The following RBFOX1 variants were observed in gnomAD, a reference collection of about 807,000 sequenced individuals.
The protein encoded by RBFOX1 is RNA binding fox-1 homolog 1, also known as RNA binding protein fox-1 homolog 1.
RBFOX1 carries 8 observed loss-of-function variants against 57.7 expected under a neutral mutation model. That is an observed-to-expected ratio of 0.14 (90% CI 0.08 to 0.25). The LOEUF (loss-of-function observed/expected upper bound fraction) is 0.25, where lower values mean the gene tolerates loss of function less well. Ranked by LOEUF, RBFOX1 falls within the 10% of genes least tolerant of loss-of-function variation. The pLI is 1.00. For missense variants in RBFOX1, 611 were observed against 548.5 expected (o/e 1.11, Z -1.14); for synonymous variants, 326 against 222.4 (o/e 1.47, Z -4.15).
intron 4 of RBFOX1, among the ~76,000 whole-genome samples, chr16:7,437,754 C>G (rs938640629): frequency 6.6e-6 from 1 of 152,100 alleles, no homozygotes; most frequent in Non-Finnish European, 1.5e-5. Context: ...TTTACTTATA[C>G]TGCTCGACGT....
chr16:6,945,204 T>C (rs1031616808), intron 3 of RBFOX1, among the ~76,000 whole-genome samples: 22 of 152,180 alleles, frequency 1.4e-4, no homozygotes, highest in Non-Finnish European at 2.6e-4. Flanking sequence ...GAAAGCAAAT[T>C]GGCAGCAAAG....
intron 3 of RBFOX1, among the ~76,000 whole-genome samples, chr16:6,899,110 T>C (rs2067782424): frequency 1.3e-5 from 2 of 151,846 alleles, no homozygotes; most frequent in South Asian, 4.1e-4. Flanking sequence ...CATCTGTGTA[T>C]ACGTGTTTAT....
At chr16:6,092,006 T>C (rs2096182167) in intron 1 of RBFOX1, among the ~76,000 whole-genome samples, 1 of 152,168 alleles carries the variant, frequency 6.6e-6, no homozygotes, top group African/African-American at 2.4e-5. Context: ...CCTCCATCTA[T>C]CTACCTACCT....
rs2095490518 is a variant in RBFOX1, at chr16:6,486,681, A to C, written c.-63-167922A>C. Among the ~76,000 whole-genome samples the C allele has an allele frequency of 2.7e-5, 4 of 150,570 alleles. No homozygotes were observed. In the South Asian group the frequency reaches 8.4e-4, roughly 32 times the overall value. ...ATTATTTTTTTTTTTGGCATTTTAG[A>C]CTTTACTTTGTTATGGATCCAAAAA... On this transcript the variant is annotated intron_variant, in intron 2 of 15. Coordinates refer to ENST00000550418, the MANE Select transcript of RBFOX1 (RefSeq NM_018723.4).
intron 3 of RBFOX1, among the ~76,000 whole-genome samples, chr16:6,769,401 C>G (rs376847669): frequency 2.6e-5 from 4 of 152,308 alleles, no homozygotes; most frequent in African/African-American, 9.6e-5. Context: ...TGAAAACAGA[C>G]TAAGAATACA....
intron 1 of RBFOX1, among the ~76,000 whole-genome samples, chr16:5,424,184 C>G (rs1229864548): frequency 6.6e-6 from 1 of 152,188 alleles, no homozygotes; most frequent in South Asian, 2.1e-4. Context: ...CTCTCGTTCT[C>G]TCTCGTTTGT....
rs546250873 is a variant in RBFOX1, at chr16:7,596,178, T to C, written c.561+537T>C. Among the ~76,000 whole-genome samples, 334 of 148,168 alleles carry C rather than the reference T, an allele frequency of 2.3e-3. 7 individuals are homozygous for C. The highest frequency in any genetic ancestry group is 7.7e-3 in the African/African-American group (313 of 40,564). ...GGTTTTTACTAAACCTCTCGTTTTT[T>C]TTTTTTTAAGAAGCCAGTTTGAATT... On this transcript the variant is annotated intron_variant, in intron 8 of 15. Transcript: ENST00000550418.
At chr16:6,580,656 A>C (rs1359385496) in intron 2 of RBFOX1, among the ~76,000 whole-genome samples, 1 of 152,192 alleles carries the variant, frequency 6.6e-6, no homozygotes, top group Non-Finnish European at 1.5e-5. Flanking sequence ...TGGGGTATAC[A>C]CAGTAAACTC....
At chr16:5,787,903 G>A (rs1319357409) in intron 3 of RBFOX1, among the ~76,000 whole-genome samples, 3 of 152,220 alleles carry the variant, frequency 2.0e-5, no homozygotes, top group Non-Finnish European at 4.4e-5. Context: ...ATGTTATGTG[G>A]CAGGTCATTC....
At chr16:7,409,288 C>T (rs1038678448) in intron 4 of RBFOX1, among the ~76,000 whole-genome samples, 8 of 152,220 alleles carry the variant, frequency 5.3e-5, no homozygotes, top group Admixed American at 3.3e-4. Flanking sequence ...CTGCCTGTAG[C>T]TTTGTTCTGA....
At chr16:6,911,438 G>C (rs1056954062) in intron 3 of RBFOX1, among the ~76,000 whole-genome samples, 20 of 152,142 alleles carry the variant, frequency 1.3e-4, no homozygotes, top group African/African-American at 4.8e-4. Context: ...AACGCATGGT[G>C]CTGCTTGGGT....
At chr16:6,281,811 G>T (rs982684587) in intron 1 of RBFOX1, among the ~76,000 whole-genome samples, 3 of 152,120 alleles carry the variant, frequency 2.0e-5, no homozygotes, top group African/African-American at 4.8e-5. Flanking sequence ...GGAAAGTGAA[G>T]ATTAGGAGGA....
At chr16:7,260,032 T>G (rs2094855192) in intron 4 of RBFOX1, among the ~76,000 whole-genome samples, 1 of 152,196 alleles carries the variant, frequency 6.6e-6, no homozygotes, top group Non-Finnish European at 1.5e-5. Context: ...TGTCATTGTT[T>G]ATAAGCTCCA....
intron 3 of RBFOX1, among the ~76,000 whole-genome samples, chr16:7,045,126 C>T (rs376039137): frequency 3.3e-5 from 5 of 152,194 alleles, no homozygotes; most frequent in African/African-American, 1.2e-4. Flanking sequence ...AGGTCACTGG[C>T]CACCTAACTC....
intron 4 of RBFOX1, among the ~76,000 whole-genome samples, chr16:5,899,618 G>A (rs1288927123): frequency 1.3e-5 from 2 of 152,184 alleles, no homozygotes; most frequent in South Asian, 2.1e-4. Context: ...AGATTCTGAT[G>A]TCGGGTACCT....
chr16:6,642,038 C>A (rs1229888977), intron 2 of RBFOX1, among the ~76,000 whole-genome samples: 1 of 152,140 alleles, frequency 6.6e-6, no homozygotes, highest in Non-Finnish European at 1.5e-5. Flanking sequence ...CAAGAAAATA[C>A]TTGAAACAGT....
chr16:6,068,515 T>C (rs1303266306), intron 1 of RBFOX1, among the ~76,000 whole-genome samples: 1 of 152,128 alleles, frequency 6.6e-6, no homozygotes, highest in Non-Finnish European at 1.5e-5. Context: ...CAAGTTTTAT[T>C]GGGGTTGTGA....
At chr16:6,613,953 A>G (rs1171354340) in intron 2 of RBFOX1, among the ~76,000 whole-genome samples, 3 of 152,194 alleles carry the variant, frequency 2.0e-5, no homozygotes, top group African/African-American at 7.2e-5. Context: ...AGGAAAAAGA[A>G]AAAAGAAGAT....
intron 2 of RBFOX1, among the ~76,000 whole-genome samples, chr16:5,584,420 C>T (rs780922763): frequency 1.2e-4 from 19 of 152,214 alleles, no homozygotes; most frequent in Non-Finnish European, 1.3e-4. Flanking sequence ...AGCATTTTTG[C>T]CAGACTTCTT....
Sources: allele counts gnomAD v4.1 joint callset (sites outside exome capture counted in the v4.1 genomes callset), GRCh38; gene constraint gnomAD v4.1.1; transcripts MANE v1.5; gene names NCBI Gene and HGNC (gene_info 2026-07-23, HGNC 2026-07-21).